The following TPX2 variants were observed in gnomAD, a reference collection of about 807,000 sequenced individuals.
TPX2 encodes the protein TPX2 microtubule nucleation factor.
Under a neutral mutation model 93.6 loss-of-function variants are expected in TPX2, and 21 were observed. The ratio of observed to expected loss-of-function variants is 0.22; its 90% CI spans 0.16 to 0.32. The LOEUF (loss-of-function observed/expected upper bound fraction) is 0.32. TPX2 is among the 10% of genes least tolerant of loss of function. TPX2 has a pLI of 1.00. For missense variants in TPX2, 776 were observed against 871.1 expected (o/e 0.89, Z 1.37); for synonymous variants, 281 against 298.3 (o/e 0.94, Z 0.60).
chr20:31,767,621 G>C (rs113079134), intron 5 of TPX2, among the ~76,000 whole-genome samples: 1,892 of 152,168 alleles, frequency 0.012, 31 homozygotes, highest in African/African-American at 0.044. Flanking sequence ...GCATGATCAT[G>C]GCTCACTGTA....
intron 12 of TPX2, among the ~76,000 whole-genome samples, chr20:31,790,614 G>C (rs1427184070): frequency 6.6e-6 from 1 of 152,128 alleles, no homozygotes; most frequent in Non-Finnish European, 1.5e-5. Context: ...TGTTTCGAAC[G>C]GTTGCAGCAT....
Position 31,778,995 on chromosome 20 carries a change from TAC to T in TPX2, c.1054+12_1054+13del, listed in dbSNP as rs760086108. ...AGAAGGATGATATTAGTAAGTTTCCTACCAGTATCACAGTTGGATGGAACCTC... is the reference window on the plus strand; with the variant it reads ...AGAAGGATGATATTAGTAAGTTTCCTCAGTATCACAGTTGGATGGAACCTC... On this transcript the variant is annotated intron_variant, in intron 10 of 17. Coordinates refer to ENST00000300403, the MANE Select transcript of TPX2 (RefSeq NM_012112.5). 5 of 1,564,378 alleles carry T rather than the reference TAC, an allele frequency of 3.2e-6. No homozygotes were observed. The highest frequency in any genetic ancestry group is 4.3e-6 in the Non-Finnish European group (5 of 1,159,526).
intron 1 of TPX2, among the ~76,000 whole-genome samples, chr20:31,740,499 C>T (rs747466402): frequency 5.3e-5 from 8 of 152,162 alleles, no homozygotes; most frequent in Non-Finnish European, 1.0e-4. Flanking sequence ...ATTAAGCTGG[C>T]ATTCTTGGAT....
chr20:31,752,058 TAAG>T (rs1021871680), intron 2 of TPX2, among the ~76,000 whole-genome samples: 3 of 152,184 alleles, frequency 2.0e-5, no homozygotes, highest in Non-Finnish European at 4.4e-5. Flanking sequence ...TTTTTTAGTA[TAAG>T]AAGTCTTTTT....
At chr20:31,788,810 G>T (rs1385029115) in intron 12 of TPX2, among the ~76,000 whole-genome samples, 1 of 152,212 alleles carries the variant, frequency 6.6e-6, no homozygotes, top group Non-Finnish European at 1.5e-5. Context: ...TGTGGTGTCA[G>T]TGAGACCAGT....
chr20:31,740,533 A>G (rs1385264497), intron 1 of TPX2, among the ~76,000 whole-genome samples: 1 of 152,164 alleles, frequency 6.6e-6, no homozygotes, highest in Non-Finnish European at 1.5e-5. Flanking sequence ...CTGTCAGCTA[A>G]CTCAGCCATT....
chr20:31,757,401 C>A lies in TPX2; in HGVS notation c.-70-6C>A. The stretch of plus-strand genomic sequence containing the variant: ...TAGATTTATGTGCAACCATTTCTTT[C>A]CTCAGAAGGTGACCTGCTGAGAAAA... On this transcript the variant is annotated splice_region_variant and splice_polypyrimidine_tract_variant and intron_variant, in intron 2 of 17. Transcript: ENST00000300403. 1 of 1,169,560 alleles carries A rather than the reference C, an allele frequency of 8.6e-7. No individual in the cohort carries two copies. Among genetic ancestry groups the A allele is most frequent in the South Asian group, 1.3e-5 (1 of 74,866 alleles). The allele number at this position is 1,169,560 out of a possible 1,614,324, so 72.4% of individuals were successfully genotyped here.
chr20:31,792,628 T>C (rs1314132169), intron 12 of TPX2, 107 bp from the exon 13 acceptor site: 7 of 1,076,002 alleles, frequency 6.5e-6, no homozygotes, highest in Non-Finnish European at 9.9e-6. Flanking sequence ...CTGGGCAACA[T>C]AGTGAGACCC....
intron 2 of TPX2, among the ~76,000 whole-genome samples, chr20:31,750,953 G>A (rs1440808828): frequency 2.0e-5 from 3 of 151,930 alleles, no homozygotes; most frequent in South Asian, 4.1e-4. Context: ...TGTTGCCCAC[G>A]TTAGAGTGCA....
At chr20:31,772,896 A>T (rs2061972409) in intron 7 of TPX2, among the ~76,000 whole-genome samples, 1 of 151,786 alleles carries the variant, frequency 6.6e-6, no homozygotes, top group Non-Finnish European at 1.5e-5. Flanking sequence ...ACAGGGTATG[A>T]CCAGTTTTGT....
chr20:31,761,323 G>A (rs916217413), intron 4 of TPX2, among the ~76,000 whole-genome samples: 2 of 150,546 alleles, frequency 1.3e-5, no homozygotes, highest in Non-Finnish European at 2.9e-5. Context: ...TGCCTCAGCT[G>A]CCCAAGTAGC....
intron 11 of TPX2, among the ~76,000 whole-genome samples, chr20:31,782,704 A>G (rs560828600): frequency 2.6e-5 from 4 of 152,174 alleles, no homozygotes; most frequent in Admixed American, 2.6e-4. Context: ...CCTGGGCAAC[A>G]TGGTGAAACC....
At chr20:31,763,697 TA>T (rs1304770248) in intron 4 of TPX2, among the ~76,000 whole-genome samples, 14 of 149,594 alleles carry the variant, frequency 9.4e-5, no homozygotes, top group African/African-American at 1.2e-4. Flanking sequence ...TAATTTAATT[TA>T]AATTTAATTT....
In TPX2 at chr20:31,792,752, G is replaced by A. The variant is rs2062110082; in HGVS notation, c.1431G>A (p.Lys477=). 1.2e-6 allele frequency: 2 copies of A among 1,614,170 alleles called. No individual in the cohort carries two copies. Among genetic ancestry groups the A allele is most frequent in the African/African-American group, 2.7e-5 (2 of 75,034 alleles). ...LEDVVGVPEK[K]VLPITVPKSP... is the part of the protein sequence containing the mutation. Reference sequence around the variant, plus strand: ...CCTTTCAGGGTGTTCCTGAAAAGAAGGTACTTCCAATCACCGTCCCCAAGT... The same window carrying A: ...CCTTTCAGGGTGTTCCTGAAAAGAAAGTACTTCCAATCACCGTCCCCAAGT... Residue 477 remains lysine (K), a synonymous_variant, in exon 13 of 18, where the codon AAG becomes AAA. Transcript: ENST00000300403.
chr20:31,759,439 C>T (rs1244985539), intron 3 of TPX2, among the ~76,000 whole-genome samples: 2 of 118,202 alleles, frequency 1.7e-5, no homozygotes, highest in Middle Eastern at 9.6e-3. Flanking sequence ...CTTGCTCTGT[C>T]GCCAGGCTGT....
intron 2 of TPX2, among the ~76,000 whole-genome samples, chr20:31,746,906 A>G (rs561109872): frequency 6.6e-6 from 1 of 152,262 alleles, no homozygotes; most frequent in East Asian, 1.9e-4. Context: ...GAAAAAGTCA[A>G]CGTTCATTCT....
At chr20:31,765,495 C>T (rs1465860007) in intron 4 of TPX2, among the ~76,000 whole-genome samples, 2 of 151,550 alleles carry the variant, frequency 1.3e-5, no homozygotes, top group Non-Finnish European at 2.9e-5. Flanking sequence ...TTTTGTTTTA[C>T]AGGTGGGATC....
At position 31,782,377 on chromosome 20, in the gene TPX2, G is replaced by A. The variant is rs140553865; in HGVS notation, c.1183G>A (p.Glu395Lys). ...AGCAGAGCTGGAGGCTGAGGAGCTC[G>A]AGAAATTGCAACAGTAAGTCCCACT... ...STAELEAEELEKLQQYKFKAR... is the reference protein window; with the variant it reads ...STAELEAEELKKLQQYKFKAR... The change falls in exon 11 of 18, where the codon GAG (glutamate) becomes AAG (lysine). Residue 395 changes from glutamate to lysine, a missense_variant. Glu to Lys is a moderately conservative substitution (Grantham distance 56). Transcript: ENST00000300403. 62 of 1,610,146 alleles carry A rather than the reference G, an allele frequency of 3.9e-5. No individual in the cohort carries two copies. Among genetic ancestry groups the A allele is most frequent in the East Asian group, 1.3e-4 (6 of 44,786 alleles).
chr20:31,763,094 A>T lies in TPX2; in HGVS notation c.229+2915A>T, dbSNP rs369041770. Among the ~76,000 whole-genome samples the T allele has an allele frequency of 1.5e-3, 227 of 152,282 alleles. 2 individuals are homozygous for T. The highest frequency in any genetic ancestry group is 5.3e-3 in the African/African-American group (221 of 41,560). ...ACTATAGCTTTGTAATGTATTTTGA[A>T]GGCTGGTAATTTGATGCCTTCAGCT... On this transcript the variant is annotated intron_variant, in intron 4 of 17. Transcript: ENST00000300403.
Sources: allele counts gnomAD v4.1 joint callset (sites outside exome capture counted in the v4.1 genomes callset), GRCh38; gene constraint gnomAD v4.1.1; transcripts MANE v1.5; gene names NCBI Gene and HGNC (gene_info 2026-07-23, HGNC 2026-07-21).